Variants in PRKACB observed in about 807,000 individuals in gnomAD.
The protein encoded by PRKACB is protein kinase cAMP-activated catalytic subunit beta.
A neutral mutation model predicts 51.4 loss-of-function variants in PRKACB; 16 were observed. That is an observed-to-expected ratio of 0.31 (90% confidence interval 0.21 to 0.47). The LOEUF (loss-of-function observed/expected upper bound fraction) is 0.47, where lower values mean the gene tolerates loss of function less well. Among genes scored for constraint, PRKACB ranks in the 20% least tolerant of loss-of-function variants. The probability of loss-of-function intolerance (pLI) is 1.00; values close to 1 mark genes in which losing one functional copy is unlikely to be tolerated. For missense variants in PRKACB, 309 were observed against 464.5 expected, an observed-to-expected ratio of 0.67 and a Z score of 3.08; for synonymous variants, 147 against 154.4, an observed-to-expected ratio of 0.95 and a Z score of 0.35.
At chr1:84,201,216 A>G (rs532825687) in intron 7 of PRKACB, among the ~76,000 whole-genome samples, 10 of 152,186 alleles carry the variant, frequency 6.6e-5, no homozygotes, top group African/African-American at 2.4e-4. Context: ...ATCACTGGGT[A>G]TACTCATTTT....
At chr1:84,109,417 G>T (rs551614993) in intron 1 of PRKACB, among the ~76,000 whole-genome samples, 1 of 151,854 alleles carries the variant, frequency 6.6e-6, no homozygotes, top group African/African-American at 2.4e-5. Context: ...TAGCCATTCT[G>T]ATGAATGTTA....
intron 1 of PRKACB, among the ~76,000 whole-genome samples, chr1:84,103,969 G>A (rs1021445525): frequency 3.9e-5 from 6 of 152,058 alleles, no homozygotes; most frequent in Non-Finnish European, 8.8e-5. Context: ...ATTTCTTTGT[G>A]TTAGGAACAT....
chr1:84,088,805 A>G (rs1029608732), intron 1 of PRKACB, among the ~76,000 whole-genome samples: 12 of 152,222 alleles, frequency 7.9e-5, no homozygotes, highest in African/African-American at 2.9e-4. Flanking sequence ...AGATGCAAAT[A>G]AAAATAAGAC....
At chr1:84,207,915 T>C (rs1392048215) in intron 8 of PRKACB, among the ~76,000 whole-genome samples, 1 of 152,222 alleles carries the variant, frequency 6.6e-6, no homozygotes, top group Non-Finnish European at 1.5e-5. Flanking sequence ...TTGACCAGGC[T>C]GAAGTGCAGT....
intron 2 of PRKACB, 23 bp from the exon 3 acceptor site, chr1:84,182,177 T>G: frequency 6.9e-7 from 1 of 1,458,738 alleles, no homozygotes; most frequent in Non-Finnish European, 9.2e-7. Flanking sequence ...AATTTTAAAT[T>G]TTATTTATGT....
At chr1:84,127,189 G>A (rs1467917235) in intron 1 of PRKACB, among the ~76,000 whole-genome samples, 1 of 152,150 alleles carries the variant, frequency 6.6e-6, no homozygotes, top group Non-Finnish European at 1.5e-5. Context: ...ATTTGTACAT[G>A]AGATGAAGAT....
At chr1:84,106,243 G>A (rs1235524499) in intron 1 of PRKACB, among the ~76,000 whole-genome samples, 1 of 152,086 alleles carries the variant, frequency 6.6e-6, no homozygotes. Flanking sequence ...TCAACATAGT[G>A]TTGGAAGTCC....
chr1:84,175,182 T>C (rs1369743579), intron 1 of PRKACB: 1 of 929,946 alleles, frequency 1.1e-6, no homozygotes, highest in East Asian at 3.7e-5. Context: ...AATATTTTCA[T>C]TGATGAAGGA....
At chr1:84,152,966 A>G (rs1033428515) in intron 1 of PRKACB, among the ~76,000 whole-genome samples, 1 of 152,012 alleles carries the variant, frequency 6.6e-6, no homozygotes, top group African/African-American at 2.4e-5. Context: ...AAGCTTAATC[A>G]TTTCTAGCTT....
intron 3 of PRKACB, among the ~76,000 whole-genome samples, chr1:84,183,605 G>C (rs1664228327): frequency 6.6e-6 from 1 of 151,616 alleles, no homozygotes. Flanking sequence ...GCAGAGATTT[G>C]AGCCAGCTTT....
At chr1:84,134,220 A>G (rs1302087033) in intron 1 of PRKACB, among the ~76,000 whole-genome samples, 1 of 151,952 alleles carries the variant, frequency 6.6e-6, no homozygotes, top group East Asian at 1.9e-4. Flanking sequence ...AGGGGTTTTT[A>G]TGGGTATAGG....
At chr1:84,116,030 G>T (rs1195269580) in intron 1 of PRKACB, among the ~76,000 whole-genome samples, 1 of 151,382 alleles carries the variant, frequency 6.6e-6, no homozygotes, top group Non-Finnish European at 1.5e-5. Flanking sequence ...ATGTTTCTAT[G>T]TGGGGAGAAA....
intron 8 of PRKACB, among the ~76,000 whole-genome samples, chr1:84,208,711 A>G (rs1336953825): frequency 6.6e-6 from 1 of 152,248 alleles, no homozygotes; most frequent in Non-Finnish European, 1.5e-5. Flanking sequence ...GGCTTAAAAA[A>G]TAAAAACTGT....
chr1:84,144,225 A>G, upstream of PRKACB: 2 of 1,433,396 alleles, frequency 1.4e-6, no homozygotes, highest in East Asian at 2.7e-5. Flanking sequence ...AACAGGAAAC[A>G]GAACAGCAGT....
chr1:84,164,318 A>T, intron 1 of PRKACB: 1 of 1,531,150 alleles, frequency 6.5e-7, no homozygotes, highest in Non-Finnish European at 8.8e-7. Context: ...CAGCATTTTA[A>T]TATCAGTGAG....
intron 3 of PRKACB, 98 bp from the exon 4 acceptor site, chr1:84,183,939 C>T: frequency 8.1e-7 from 1 of 1,241,492 alleles, no homozygotes; most frequent in Non-Finnish European, 1.1e-6. Context: ...AACAATTTTG[C>T]TTATCCAAGT....
intron 8 of PRKACB, among the ~76,000 whole-genome samples, chr1:84,212,333 G>C (rs1396549073): frequency 6.8e-6 from 1 of 147,514 alleles, no homozygotes; most frequent in Non-Finnish European, 1.5e-5. Flanking sequence ...CCTAGGACCA[G>C]ATTTTGAAAA....
At chr1:84,186,554 C>T (rs547997697) in intron 5 of PRKACB, among the ~76,000 whole-genome samples, 44 of 152,076 alleles carry the variant, frequency 2.9e-4, no homozygotes, top group Non-Finnish European at 5.7e-4. Flanking sequence ...GCCCTGAGTG[C>T]GTTATTCCCT....
chr1:84,133,456 A>C (rs1652461658), intron 1 of PRKACB, among the ~76,000 whole-genome samples: 1 of 152,194 alleles, frequency 6.6e-6, no homozygotes, highest in African/African-American at 2.4e-5. Flanking sequence ...CTTATTCCTC[A>C]TTGATCTAAA....
Sources: gnomAD v4.1 joint callset for allele counts (sites outside exome capture counted in the v4.1 genomes callset) on GRCh38, gnomAD v4.1.1 for gene constraint, MANE v1.5 for transcripts, NCBI Gene and HGNC (gene_info 2026-07-23, HGNC 2026-07-21) for gene names.